Variants in COL21A1 observed in about 807,000 individuals in gnomAD.
The protein encoded by COL21A1 is collagen type XXI alpha 1 chain.
Under a neutral mutation model 137.9 loss-of-function variants are expected in COL21A1, and 149 were observed. That is an observed-to-expected ratio of 1.08 (90% confidence interval 0.95 to 1.24). COL21A1 has a LOEUF of 1.24. Among genes scored for constraint, COL21A1 ranks in the 50% most tolerant of loss-of-function variants. The probability of loss-of-function intolerance (pLI) is 0.00; values close to 1 mark genes in which losing one functional copy is unlikely to be tolerated. For synonymous variants in COL21A1, 456 were observed against 391.5 expected, an observed-to-expected ratio of 1.16 and a Z score of -1.95; for missense variants, 1,167 against 1,158.4, an observed-to-expected ratio of 1.01 and a Z score of -0.11.
At chr6:56,126,211 T>A (rs1773042241) in intron 12 of COL21A1, 62 bp from the exon 13 acceptor site, 22 of 1,073,752 alleles carry the variant, frequency 2.0e-5, no homozygotes, top group Non-Finnish European at 3.1e-5. Context: ...AATATCATCA[T>A]CTATTCTTCA....
intron 1 of COL21A1, among the ~76,000 whole-genome samples, chr6:56,330,231 A>G (rs6901436): frequency 0.018 from 2,709 of 152,176 alleles, 87 homozygotes; most frequent in African/African-American, 0.062. Flanking sequence ...AAAATTTGGA[A>G]ATTATTAAGA....
intron 1 of COL21A1, among the ~76,000 whole-genome samples, chr6:56,366,110 A>C (rs545310995): frequency 6.6e-6 from 1 of 152,182 alleles, no homozygotes. Flanking sequence ...TATGGAGTTT[A>C]CTGGATTCCT....
At chr6:56,230,095 G>A (rs1456027520) in intron 1 of COL21A1, among the ~76,000 whole-genome samples, 7 of 151,858 alleles carry the variant, frequency 4.6e-5, no homozygotes, top group Non-Finnish European at 4.4e-5. Context: ...AATAAATACA[G>A]ATGTGTCACA....
chr6:56,108,805 G>A (rs370381140), intron 16 of COL21A1, among the ~76,000 whole-genome samples: 267 of 151,820 alleles, frequency 1.8e-3, no homozygotes, highest in African/African-American at 6.1e-3. Flanking sequence ...TATGCACAGG[G>A]AACATTCCTG....
chr6:56,284,769 G>T (rs1393262914), intron 1 of COL21A1, among the ~76,000 whole-genome samples: 1 of 152,038 alleles, frequency 6.6e-6, no homozygotes, highest in African/African-American at 2.4e-5. Flanking sequence ...TGTCTAGAAG[G>T]TTCATCTTCC....
chr6:56,274,475 CTT>C (rs1309721670), intron 1 of COL21A1, among the ~76,000 whole-genome samples: 1 of 152,178 alleles, frequency 6.6e-6, no homozygotes, highest in Non-Finnish European at 1.5e-5. Context: ...ACTCTAAAGA[CTT>C]TGCCAAAAGG....
chr6:56,232,126 A>G (rs975347653), intron 1 of COL21A1, among the ~76,000 whole-genome samples: 2 of 151,856 alleles, frequency 1.3e-5, no homozygotes, highest in Non-Finnish European at 1.5e-5. Flanking sequence ...GGAAAGACAT[A>G]TAATTGGGCA....
In COL21A1 at chr6:56,132,966, T is replaced by G. The variant is rs1037338206; in HGVS notation, c.1543-6817A>C. 2.8e-4 allele frequency among the ~76,000 whole-genome samples: 42 copies of G among 152,316 alleles called. 1 individual carries two copies. Among genetic ancestry groups the G allele is most frequent in the Middle Eastern group, 6.8e-3 (2 of 294 alleles). Reference sequence around the variant, plus strand: ...AAACTGTCAGTCCATTAAACCTCTTTCTTTTGTAAATTGCCCAGTCTCAGC... The same window carrying G: ...AAACTGTCAGTCCATTAAACCTCTTGCTTTTGTAAATTGCCCAGTCTCAGC... On this transcript the variant is annotated intron_variant, in intron 12 of 29. Coordinates refer to ENST00000244728, the MANE Select transcript of COL21A1 (RefSeq NM_030820.4).
rs1777006903 is a variant in COL21A1, at chr6:56,171,074, T to A, written c.695A>T (p.Asp232Val). 6.2e-7 allele frequency: 1 copy of A among 1,609,374 alleles called. No individual in the cohort carries two copies. Residue 232 changes from aspartate (D) to valine (V), a missense_variant, in exon 4 of 30, where the codon GAT (aspartate) becomes GTT (valine). Asp to Val is a radical substitution (Grantham distance 152, BLOSUM62 -3). Transcript: ENST00000244728. Reference protein sequence around the residue: ...PVAARDERGFDILLGLDVNKK... With the variant: ...PVAARDERGFVILLGLDVNKK... Reference sequence around the variant, plus strand: ...ATTTACATCTAAACCTAAAAGAATATCAAATCCCCTTTCATCACGAGCTGC... The same window carrying A: ...ATTTACATCTAAACCTAAAAGAATAACAAATCCCCTTTCATCACGAGCTGC...
At chr6:56,316,476 A>AATTTTTTTTTT (rs776151498) in intron 1 of COL21A1, among the ~76,000 whole-genome samples, 8 of 30,358 alleles carry the variant, frequency 2.6e-4, no homozygotes, top group Non-Finnish European at 4.8e-4. Flanking sequence ...TTCTAAATAG[A>AATTTTTTTTTT]CTTTTTTTTT....
Position 56,056,591 on chromosome 6 carries a change from C to G in COL21A1, c.*1066G>C, listed in dbSNP as rs1765366900. On this transcript the variant is annotated 3_prime_UTR_variant, in exon 30 of 30. Coordinates refer to ENST00000244728, the MANE Select transcript of COL21A1 (RefSeq NM_030820.4). ...TAGGTATAAAAAAAGACATTGTAATCAGGCCTGTACAAAACTTTATTATAC... is the reference window on the plus strand; with the variant it reads ...TAGGTATAAAAAAAGACATTGTAATGAGGCCTGTACAAAACTTTATTATAC... The G allele has an allele frequency of 6.6e-6, 1 of 152,264 alleles. No homozygotes were observed. Among genetic ancestry groups the G allele is most frequent in the Admixed American group, 6.5e-5 (1 of 15,292 alleles). The allele number at this position is 152,264 out of a possible 1,614,324, so 9.4% of individuals were successfully genotyped here. A position where few individuals can be genotyped will look rare whatever the true frequency, so the allele number is the denominator to read the frequency against.
intron 1 of COL21A1, among the ~76,000 whole-genome samples, chr6:56,366,743 G>A (rs1766110615): frequency 6.6e-6 from 1 of 152,202 alleles, no homozygotes. Flanking sequence ...TCTTCCAGAT[G>A]AGTGTTTCCA....
chr6:56,361,273 G>A (rs1198859163), intron 1 of COL21A1, among the ~76,000 whole-genome samples: 1 of 152,200 alleles, frequency 6.6e-6, no homozygotes, highest in East Asian at 1.9e-4. Flanking sequence ...AGCAGAGCCA[G>A]TGGGATGTCC....
chr6:56,214,298 G>T (rs1190494369), intron 1 of COL21A1, among the ~76,000 whole-genome samples: 1 of 151,946 alleles, frequency 6.6e-6, no homozygotes, highest in Non-Finnish European at 1.5e-5. Context: ...AATAAATCTG[G>T]CAACTTAAAA....
intron 17 of COL21A1, among the ~76,000 whole-genome samples, chr6:56,099,485 C>G (rs1770244893): frequency 6.6e-6 from 1 of 152,000 alleles, no homozygotes; most frequent in African/African-American, 2.4e-5. Context: ...ATCCAGCCGC[C>G]TCGGCCTCCC....
At chr6:56,128,790 G>C (rs1334954948) in intron 12 of COL21A1, among the ~76,000 whole-genome samples, 1 of 152,118 alleles carries the variant, frequency 6.6e-6, no homozygotes, top group Non-Finnish European at 1.5e-5. Context: ...GAGTAGCCGG[G>C]ATTACAGGTA....
intron 1 of COL21A1, among the ~76,000 whole-genome samples, chr6:56,214,235 G>T (rs1011513837): frequency 1.3e-5 from 2 of 151,964 alleles, no homozygotes; most frequent in African/African-American, 4.8e-5. Context: ...ACCCTGAACT[G>T]GTTTGTTGCA....
At chr6:56,222,444 AG>A (rs1393723552) in intron 1 of COL21A1, among the ~76,000 whole-genome samples, 1 of 152,124 alleles carries the variant, frequency 6.6e-6, no homozygotes, top group Admixed American at 6.6e-5. Context: ...TCATCTAAAA[AG>A]CTCTAATATT....
chr6:56,280,006 C>T (rs1582752814), intron 1 of COL21A1, among the ~76,000 whole-genome samples: 1 of 152,194 alleles, frequency 6.6e-6, no homozygotes, highest in Non-Finnish European at 1.5e-5. Flanking sequence ...TAAATACACA[C>T]ATACAGACAC....
Sources: allele counts gnomAD v4.1 joint callset (sites outside exome capture counted in the v4.1 genomes callset), GRCh38; gene constraint gnomAD v4.1.1; transcripts MANE v1.5; gene names NCBI Gene and HGNC (gene_info 2026-07-23, HGNC 2026-07-21).